The following TRAF3 variants were observed in gnomAD, a reference collection of about 807,000 sequenced individuals.
The protein encoded by TRAF3 is TNF receptor associated factor 3.
In TRAF3, 13 loss-of-function variants were observed where a neutral mutation model predicts 62.3. The ratio of observed to expected loss-of-function variants is 0.21; its 90% CI spans 0.14 to 0.33. The LOEUF is 0.33. Ranked by LOEUF, TRAF3 falls within the 10% of genes least tolerant of loss-of-function variation. TRAF3 has a pLI of 1.00. For missense variants in TRAF3, 440 were observed against 741.8 expected, an observed-to-expected ratio of 0.59 and a Z score of 4.73; for synonymous variants, 269 against 283.4, an observed-to-expected ratio of 0.95 and a Z score of 0.51.
At chr14:102,822,862 C>T (rs777770703) in intron 1 of TRAF3, among the ~76,000 whole-genome samples, 16 of 152,170 alleles carry the variant, frequency 1.1e-4, no homozygotes, top group African/African-American at 2.4e-4. Flanking sequence ...CAAAATTAGC[C>T]GGGCATGGTG....
chr14:102,869,404 A>G (rs1012838311), intron 2 of TRAF3, among the ~76,000 whole-genome samples: 2 of 152,238 alleles, frequency 1.3e-5, no homozygotes, highest in Admixed American at 6.5e-5. Context: ...GGCTGAGAAC[A>G]GCTGTTGTTT....
At chr14:102,862,912 A>C (rs1350862928) in intron 2 of TRAF3, among the ~76,000 whole-genome samples, 3 of 151,374 alleles carry the variant, frequency 2.0e-5, no homozygotes, top group African/African-American at 7.3e-5. Context: ...TTTTCATTTC[A>C]GTTTTTGTGC....
chr14:102,872,616 T>C (rs1213550994), intron 4 of TRAF3, among the ~76,000 whole-genome samples: 1 of 152,224 alleles, frequency 6.6e-6, no homozygotes, highest in Non-Finnish European at 1.5e-5. Context: ...CAGTCATCCA[T>C]GTGCTGCTGT....
intron 1 of TRAF3, among the ~76,000 whole-genome samples, chr14:102,823,676 T>TAAGTGGTG (rs1407378135): frequency 6.6e-6 from 1 of 152,232 alleles, no homozygotes; most frequent in African/African-American, 2.4e-5. Context: ...TGCATCTCAT[T>TAAGTGGTG]AAGTGGTGTC....
At chr14:102,887,242 T>C (rs758018928) in intron 7 of TRAF3, among the ~76,000 whole-genome samples, 13 of 152,246 alleles carry the variant, frequency 8.5e-5, no homozygotes, top group Non-Finnish European at 1.2e-4. Flanking sequence ...TACGCTGATC[T>C]AAGGAGCCGG....
chr14:102,904,200 C>G (rs1390672500), intron 11 of TRAF3, among the ~76,000 whole-genome samples: 1 of 152,234 alleles, frequency 6.6e-6, no homozygotes, highest in Non-Finnish European at 1.5e-5. Context: ...CCAGGACATC[C>G]CCTGTCAGCA....
chr14:102,820,358 C>T (rs11621095), intron 1 of TRAF3, among the ~76,000 whole-genome samples: 2 of 151,946 alleles, frequency 1.3e-5, no homozygotes, highest in African/African-American at 2.4e-5. Context: ...TCCTAACCTT[C>T]TGCACTTGGG....
chr14:102,891,193 T>G (rs1458367416), intron 8 of TRAF3, 132 bp from the exon 9 acceptor site: 2 of 860,374 alleles, frequency 2.3e-6, no homozygotes, highest in Non-Finnish European at 3.7e-6. Context: ...GGCGCAGAGA[T>G]TCCCTGTTCA....
At chr14:102,840,594 C>T (rs1419322734) in intron 2 of TRAF3, among the ~76,000 whole-genome samples, 2 of 152,160 alleles carry the variant, frequency 1.3e-5, no homozygotes, top group Non-Finnish European at 2.9e-5. Flanking sequence ...CAAGCTCCAG[C>T]ATGGCTTGGC....
intron 1 of TRAF3, among the ~76,000 whole-genome samples, chr14:102,784,168 C>G (rs1038414594): frequency 1.4e-4 from 21 of 151,000 alleles, no homozygotes; most frequent in Admixed American, 4.0e-4. Flanking sequence ...AGGTTTTTCC[C>G]TGCATTTTTC....
intron 8 of TRAF3, among the ~76,000 whole-genome samples, chr14:102,889,896 A>G (rs1889613870): frequency 2.0e-5 from 3 of 152,374 alleles, no homozygotes; most frequent in Middle Eastern, 6.8e-3. Context: ...AAAACCAGCT[A>G]GTAATGCAAC....
chr14:102,875,611 CT>C lies in TRAF3; in HGVS notation c.298-10del. On this transcript the variant is annotated splice_polypyrimidine_tract_variant and intron_variant, in intron 4 of 11. Transcript: ENST00000392745. ...AATATTAATCCTCCAAAATAATGAT[CT>C]TTCATTTTCAGGTGTTTAAGGATAA... 6.2e-7 allele frequency: 1 copy of C among 1,605,438 alleles called. No homozygotes were observed. Among genetic ancestry groups the C allele is most frequent in the African/African-American group, 1.3e-5 (1 of 74,568 alleles).
At chr14:102,882,770 T>C (rs1001292636) in intron 6 of TRAF3, among the ~76,000 whole-genome samples, 7 of 152,172 alleles carry the variant, frequency 4.6e-5, no homozygotes, top group Non-Finnish European at 8.8e-5. Flanking sequence ...CCCTGGACCA[T>C]TGCAGTTCAT....
intron 10 of TRAF3, among the ~76,000 whole-genome samples, chr14:102,900,274 G>A (rs1158228090): frequency 2.0e-5 from 3 of 151,556 alleles, no homozygotes; most frequent in East Asian, 1.9e-4. Context: ...AGGCCGAGGC[G>A]GGTGGATCAC....
chr14:102,850,852 T>C (rs1886996832), intron 2 of TRAF3, among the ~76,000 whole-genome samples: 1 of 152,230 alleles, frequency 6.6e-6, no homozygotes, highest in South Asian at 2.1e-4. Flanking sequence ...GCACTGTCTT[T>C]GCTTAGTGGA....
intron 1 of TRAF3, among the ~76,000 whole-genome samples, chr14:102,803,935 C>T (rs1042624702): frequency 6.6e-6 from 1 of 152,050 alleles, no homozygotes; most frequent in African/African-American, 2.4e-5. Context: ...TAGTGGCTGG[C>T]GCCTGTAATC....
chr14:102,892,090 T>C (rs560261968), intron 9 of TRAF3, among the ~76,000 whole-genome samples: 1 of 151,158 alleles, frequency 6.6e-6, no homozygotes, highest in East Asian at 1.9e-4. Context: ...AGTTTTGCTC[T>C]TGTAGCCCAG....
At chr14:102,872,079 G>A in intron 4 of TRAF3, 111 bp downstream of exon 4, 1 of 1,146,854 alleles carries the variant, frequency 8.7e-7, no homozygotes, top group Non-Finnish European at 1.3e-6. Context: ...AGTTTTGGCA[G>A]CTGATGCGGC....
In TRAF3 at chr14:102,907,305, C is replaced by G. The variant is rs1890631556; in HGVS notation, c.*1521C>G. On this transcript the variant is annotated 3_prime_UTR_variant, in exon 12 of 12. Transcript: ENST00000392745. The stretch of plus-strand genomic sequence containing the variant: ...TGCCCAGGCTGACCAACGGGCGCTC[C>G]TGACCACCACCCTGGCGGGAAGGGT... The G allele has an allele frequency of 6.6e-6, 1 of 152,312 alleles. No homozygotes were observed. The highest frequency in any genetic ancestry group is 1.5e-5 in the Non-Finnish European group (1 of 68,114). The allele number at this position is 152,312 out of a possible 1,614,324, so 9.4% of individuals were successfully genotyped here. A position where few individuals can be genotyped will look rare whatever the true frequency, so the allele number is the denominator to read the frequency against.
Sources: gnomAD v4.1 joint callset for allele counts (sites outside exome capture counted in the v4.1 genomes callset) on GRCh38, gnomAD v4.1.1 for gene constraint, MANE v1.5 for transcripts, NCBI Gene and HGNC (gene_info 2026-07-23, HGNC 2026-07-21) for gene names.